Variants in KCNB2 observed in about 807,000 individuals in gnomAD.
The protein encoded by KCNB2 is potassium voltage-gated channel subfamily B member 2.
A neutral mutation model predicts 61.5 loss-of-function variants in KCNB2; 15 were observed. The ratio of observed to expected loss-of-function variants is 0.24; its 90% CI spans 0.16 to 0.38. The LOEUF (loss-of-function observed/expected upper bound fraction) is 0.38, where lower values mean the gene tolerates loss of function less well. KCNB2 is among the 10% of genes least tolerant of loss of function. The pLI, the probability that KCNB2 is intolerant of heterozygous loss-of-function variation, is 1.00. For synonymous variants in KCNB2, 457 were observed against 446.0 expected (o/e 1.02, Z -0.31); for missense variants, 828 against 1,125.2 (o/e 0.74, Z 3.78).
chr8:72,559,967 TA>T (rs1806488578), intron 1 of KCNB2, among the ~76,000 whole-genome samples: 1 of 152,178 alleles, frequency 6.6e-6, no homozygotes, highest in Non-Finnish European at 1.5e-5. Flanking sequence ...AGATCATATC[TA>T]AACTCCCTTC....
At chr8:72,679,762 C>T (rs1196060838) in intron 2 of KCNB2, among the ~76,000 whole-genome samples, 1 of 152,144 alleles carries the variant, frequency 6.6e-6, no homozygotes, top group Non-Finnish European at 1.5e-5. Context: ...GTCTAAATGC[C>T]TGATCTGGGG....
At chr8:72,734,507 C>A (rs1807804553) in intron 2 of KCNB2, among the ~76,000 whole-genome samples, 1 of 152,130 alleles carries the variant, frequency 6.6e-6, no homozygotes, top group Non-Finnish European at 1.5e-5. Context: ...ATCTTCCCTA[C>A]CTGTATTGAC....
chr8:72,902,119 A>C (rs1806102078), intron 2 of KCNB2, among the ~76,000 whole-genome samples: 1 of 152,160 alleles, frequency 6.6e-6, no homozygotes, highest in Admixed American at 6.5e-5. Flanking sequence ...CCATGGACCA[A>C]GTATAGGACT....
intron 2 of KCNB2, among the ~76,000 whole-genome samples, chr8:72,860,648 C>A (rs545955809): frequency 1.3e-5 from 2 of 152,312 alleles, no homozygotes; most frequent in African/African-American, 4.8e-5. Context: ...TCATAGCAAG[C>A]AGGCCCTTTA....
chr8:72,627,038 A>G (rs975631991), intron 2 of KCNB2, among the ~76,000 whole-genome samples: 2 of 152,226 alleles, frequency 1.3e-5, no homozygotes, highest in Non-Finnish European at 2.9e-5. Context: ...TTAGAAGATC[A>G]ATCTACTTCC....
intron 2 of KCNB2, among the ~76,000 whole-genome samples, chr8:72,623,927 C>A (rs1209985160): frequency 6.6e-6 from 1 of 152,200 alleles, no homozygotes; most frequent in Non-Finnish European, 1.5e-5. Flanking sequence ...TTAGTTCCCT[C>A]ATGATCACCC....
At chr8:72,625,751 G>T (rs548662931) in intron 2 of KCNB2, among the ~76,000 whole-genome samples, 5 of 152,226 alleles carry the variant, frequency 3.3e-5, no homozygotes, top group African/African-American at 1.2e-4. Context: ...TTCTTTTCTG[G>T]TCCAAAGGAG....
chr8:72,736,970 T>C (rs923700310), intron 2 of KCNB2, among the ~76,000 whole-genome samples: 4 of 152,112 alleles, frequency 2.6e-5, no homozygotes, highest in African/African-American at 7.2e-5. Context: ...GTATGTTACA[T>C]GTTAACCTAA....
chr8:72,889,129 G>A (rs971718189), intron 2 of KCNB2, among the ~76,000 whole-genome samples: 1 of 152,150 alleles, frequency 6.6e-6, no homozygotes, highest in East Asian at 1.9e-4. Context: ...GGGAGAGGGA[G>A]TGTGATAGCT....
chr8:72,546,382 G>C (rs1318465708), intron 1 of KCNB2, among the ~76,000 whole-genome samples: 1 of 152,092 alleles, frequency 6.6e-6, no homozygotes, highest in African/African-American at 2.4e-5. Flanking sequence ...GCCAGGCATG[G>C]TGGCAGGTGC....
intron 2 of KCNB2, among the ~76,000 whole-genome samples, chr8:72,597,615 G>A (rs1157169645): frequency 2.0e-5 from 3 of 152,174 alleles, no homozygotes; most frequent in African/African-American, 7.2e-5. Context: ...ACTTAGCAGA[G>A]AGGTAGAGCA....
chr8:72,606,325 T>G (rs1805446236), intron 2 of KCNB2, among the ~76,000 whole-genome samples: 1 of 152,196 alleles, frequency 6.6e-6, no homozygotes. Context: ...TTGATGAATA[T>G]TTAATGATAT....
chr8:72,765,555 G>A (rs1808446882), intron 2 of KCNB2, among the ~76,000 whole-genome samples: 1 of 152,150 alleles, frequency 6.6e-6, no homozygotes, highest in South Asian at 2.1e-4. Context: ...AATTGTGTGT[G>A]TTGTCAGCAA....
chr8:72,935,964 T>A lies in KCNB2; in HGVS notation c.609T>A (p.Ile203=). 1 of 1,614,144 alleles carries A rather than the reference T, an allele frequency of 6.2e-7. No homozygotes were observed. The highest frequency in any genetic ancestry group is 8.5e-7 in the Non-Finnish European group (1 of 1,179,980). Residue 203 remains isoleucine, a synonymous_variant, in exon 3 of 3, where the codon ATT becomes ATA. Transcript: ENST00000523207. ...TGGCCATCGTGTCTATCCTGTTCAT[T>A]GTGCTTTCCACCATTGCTTTGTCTC... The part of the protein sequence containing the change: ...KILAIVSILF[I]VLSTIALSLN...
chr8:72,593,156 A>G (rs1054487311), intron 2 of KCNB2, among the ~76,000 whole-genome samples: 3 of 152,160 alleles, frequency 2.0e-5, no homozygotes, highest in African/African-American at 7.2e-5. Context: ...AATGAGTACT[A>G]TATTTAGTAT....
At chr8:72,596,474 G>A (rs1807192158) in intron 2 of KCNB2, among the ~76,000 whole-genome samples, 1 of 152,196 alleles carries the variant, frequency 6.6e-6, no homozygotes, top group Non-Finnish European at 1.5e-5. Context: ...TTACTGGGAT[G>A]CTGTGAAGTT....
At chr8:72,713,478 C>A (rs1330419837) in intron 2 of KCNB2, among the ~76,000 whole-genome samples, 1 of 152,172 alleles carries the variant, frequency 6.6e-6, no homozygotes, top group East Asian at 1.9e-4. Flanking sequence ...GAGAAACGAT[C>A]AGGCAGCAGC....
chr8:72,668,830 C>T (rs1224525377), intron 2 of KCNB2, among the ~76,000 whole-genome samples: 2 of 151,972 alleles, frequency 1.3e-5, no homozygotes, highest in African/African-American at 2.4e-5. Flanking sequence ...TCATGTTATT[C>T]CTGTGCCTCA....
chr8:72,845,055 T>C (rs927253360), intron 2 of KCNB2, among the ~76,000 whole-genome samples: 1 of 152,158 alleles, frequency 6.6e-6, no homozygotes, highest in Non-Finnish European at 1.5e-5. Flanking sequence ...TTTGTGCTGG[T>C]TTTTCCTCAT....
Sources: allele counts gnomAD v4.1 joint callset (sites outside exome capture counted in the v4.1 genomes callset), GRCh38; gene constraint gnomAD v4.1.1; transcripts MANE v1.5; gene names NCBI Gene and HGNC (gene_info 2026-07-23, HGNC 2026-07-21).